Variants in LOXL3 observed in about 807,000 individuals in gnomAD.
LOXL3 encodes lysyl oxidase homolog 3.
A neutral mutation model predicts 91.8 loss-of-function variants in LOXL3; 60 were observed. The observed-to-expected ratio is 0.65, with a 90% CI of 0.53 to 0.81. LOXL3 has a LOEUF of 0.81. Among genes scored for constraint, LOXL3 ranks in the 30% least tolerant of loss-of-function variants. The probability of loss-of-function intolerance (pLI) is 0.00; values close to 1 mark genes in which losing one functional copy is unlikely to be tolerated. For synonymous variants in LOXL3, 355 were observed against 387.6 expected (o/e 0.92, Z 0.99); for missense variants, 874 against 1,000.4 (o/e 0.87, Z 1.70).
intron 4 of LOXL3, among the ~76,000 whole-genome samples, chr2:74,541,389 C>G (rs1676315629): frequency 6.6e-6 from 1 of 152,060 alleles, no homozygotes; most frequent in South Asian, 2.1e-4. Flanking sequence ...TATTTTAAAC[C>G]AGTCAGAAGC....
chr2:74,546,074 C>G (rs911385065), intron 4 of LOXL3, among the ~76,000 whole-genome samples: 1 of 152,124 alleles, frequency 6.6e-6, no homozygotes, highest in Non-Finnish European at 1.5e-5. Context: ...CTGGAGAGAG[C>G]CTTAACTCCT....
intron 4 of LOXL3, among the ~76,000 whole-genome samples, chr2:74,540,165 G>A (rs753570269): frequency 1.3e-5 from 2 of 152,152 alleles, no homozygotes; most frequent in Admixed American, 1.3e-4. Context: ...AGCTTTCATA[G>A]CTGCTTGGCC....
rs141824904 is a variant in LOXL3, at chr2:74,534,084, C to T, written c.2076+16G>A. ...TCCCCCCACTCACCCATCTGGAAGCCCCAGACTCCAGGTACCTGGAGAATG... is the reference window on the plus strand; with the variant it reads ...TCCCCCCACTCACCCATCTGGAAGCTCCAGACTCCAGGTACCTGGAGAATG... On this transcript the variant is annotated intron_variant, in intron 12 of 13. Transcript: ENST00000264094. 3.8e-4 allele frequency: 621 copies of T among 1,613,616 alleles called. 10 individuals carry two copies. The East Asian group carries it at 0.014, about 36-fold the overall frequency.
Position 74,543,860 on chromosome 2 carries a change from C to T in LOXL3, c.692+5509G>A, listed in dbSNP as rs150834952. 1.4e-4 allele frequency among the ~76,000 whole-genome samples: 19 copies of T among 132,700 alleles called. 1 individual carries two copies. The East Asian group carries it at 4.0e-3, about 28-fold the overall frequency. 87.1% of individuals were successfully genotyped at this position (132,700 alleles called of 152,430 possible). On this transcript the variant is annotated intron_variant, in intron 4 of 13. Transcript: ENST00000264094. ...AGGTTGCAGTGAACCAAGATTGCAC[C>T]AGTACACTCCAGCCTGGGTGACAAA...
rs1356928700 is a variant in LOXL3, at chr2:74,549,161, T to A, written c.692+208A>T. ...CACGAGAGAGCGGGAGCCTCGCTGG[T>A]CCCCATTTCAGGTACTCCCTTGGGG... On this transcript the variant is annotated intron_variant, in intron 4 of 13. Coordinates refer to ENST00000264094, the MANE Select transcript of LOXL3 (RefSeq NM_032603.5). This position sits in a 1 kb window ranked among gnomAD's most constrained non-coding sequence, Gnocchi z 5.3. The A allele has an allele frequency of 9.3e-5, 43 of 464,082 alleles. No individual in the cohort carries two copies. The highest frequency in any genetic ancestry group is 7.2e-6 in the Non-Finnish European group (2 of 276,366). The allele number at this position is 464,082 out of a possible 1,614,324, so 28.7% of individuals were successfully genotyped here. A position where few individuals can be genotyped will look rare whatever the true frequency, so the allele number is the denominator to read the frequency against.
Position 74,534,559 on chromosome 2 carries a change from G to T in LOXL3, c.1795C>A (p.His599Asn). 1 of 1,614,208 alleles carries T rather than the reference G, an allele frequency of 6.2e-7. No homozygotes were observed. Among genetic ancestry groups the T allele is most frequent in the East Asian group, 2.2e-5 (1 of 44,878 alleles). ...RADFRPKAGR[H>N]SWVWHECHGH... ...TGGCACTCGTGCCACACCCAGGAGT[G>T]GCGCCCAGCCTTGGGCCTGAAGTCA... The change falls in exon 10 of 14, where the codon CAC (histidine) becomes AAC (asparagine). Residue 599 changes from histidine to asparagine, a missense_variant. His to Asn is a moderately conservative substitution (Grantham distance 68, BLOSUM62 1). Coordinates refer to ENST00000264094, the MANE Select transcript of LOXL3 (RefSeq NM_032603.5).
rs150665013 is a variant in LOXL3 at position 74,536,424 on chromosome 2, T to C, written c.960A>G (p.Val320=). ...KGGAHPGEGR[V]EVLKASTWGT... ...CCCATGTGCTGGCCTTCAGGACTTC[T>C]ACCCGGCCCTCTCCAGGGTGGGCGC... Residue 320 remains valine, a synonymous_variant, in exon 6 of 14, where the codon GTA becomes GTG. Coordinates refer to ENST00000264094, the MANE Select transcript of LOXL3 (RefSeq NM_032603.5). The surrounding 1 kb of genome is among the most constrained non-coding windows in gnomAD (Gnocchi z 4.5). 1.2e-6 allele frequency: 2 copies of C among 1,614,082 alleles called. No individual in the cohort carries two copies. The highest frequency in any genetic ancestry group is 1.3e-5 in the African/African-American group (1 of 75,046).
chr2:74,534,692 A>G lies in LOXL3; in HGVS notation c.1662T>C (p.Cys554=). The G allele has an allele frequency of 6.2e-7, 1 of 1,614,164 alleles. No individual in the cohort carries two copies. The change falls in exon 10 of 14, where the codon TGT becomes TGC. Residue 554 remains cysteine, a synonymous_variant. Transcript: ENST00000264094. ...TGGCCAGGCAGTTCTCTTCCGCAGC[A>G]CAGTACAACATATGCAGGGGCCGGT... The part of the protein sequence containing the change: ...IEDRPLHMLY[C]AAEENCLASS...
rs1675955178 is a variant in LOXL3 at position 74,535,370 on chromosome 2, G to C, written c.1501C>G (p.Gln501Glu). 6.2e-7 allele frequency: 1 copy of C among 1,614,048 alleles called. No individual in the cohort carries two copies. ...RCTGTELSLD[Q>E]CAHHGTHITC... ...ATGTGGGTGCCATGATGGGCACACT[G>C]ATCCAGGGACAGCTCAGTCCCTGTG... is the stretch of plus-strand genomic sequence containing the variant. Residue 501 changes from glutamine to glutamate, a missense_variant, in exon 9 of 14, where the codon CAG becomes GAG. By Grantham distance (29) the Gln-to-Glu change is conservative. Coordinates refer to ENST00000264094, the MANE Select transcript of LOXL3 (RefSeq NM_032603.5). This position sits in a 1 kb window ranked among gnomAD's most constrained non-coding sequence, Gnocchi z 4.2.
rs757818416 is a variant in LOXL3, at chr2:74,534,281, G to C, written c.1939+35C>G. 13 of 1,614,026 alleles carry C rather than the reference G, an allele frequency of 8.1e-6. No individual in the cohort carries two copies. In the East Asian group the frequency reaches 2.9e-4, roughly 36 times the overall value. On this transcript the variant is annotated intron_variant, in intron 11 of 13. Transcript: ENST00000264094. ...TCAGTGTAAGGAAAGGCTGTGCAAT[G>C]GATACCATGTGGTTCACTTCAGTCC...
At chr2:74,555,650 T>A (rs1416403570), upstream of LOXL3, 70 of 1,613,898 alleles carry the variant, frequency 4.3e-5, no homozygotes, top group Non-Finnish European at 5.9e-5. The surrounding 1 kb of genome is among the most constrained non-coding windows in gnomAD (Gnocchi z 6.1). Context: ...GAACTCCTTG[T>A]ACAGCCCTAC....
rs1324891390 is a variant in LOXL3 at position 74,532,963 on chromosome 2, T to G, written c.*643A>C. On this transcript the variant is annotated 3_prime_UTR_variant, in exon 14 of 14. Transcript: ENST00000264094. ...GGACGAGAAACACTGACCTTATATG[T>G]GACCCCTGAGGTCACAGAATGAATA... 1 of 1,613,826 alleles carries G rather than the reference T, an allele frequency of 6.2e-7. No individual in the cohort carries two copies. The highest frequency in any genetic ancestry group is 1.3e-5 in the African/African-American group (1 of 74,834).
chr2:74,533,720 A>G, intron 13 of LOXL3, 41 bp from the exon 14 acceptor site: 1 of 1,583,110 alleles, frequency 6.3e-7, no homozygotes, highest in Non-Finnish European at 8.7e-7. Context: ...CCCTGCACAG[A>G]GGGAGGGAGA....
chr2:74,555,198 C>T (rs1677345142), upstream of LOXL3: 2 of 1,613,398 alleles, frequency 1.2e-6, no homozygotes, highest in South Asian at 2.2e-5. This position sits in a 1 kb window ranked among gnomAD's most constrained non-coding sequence, Gnocchi z 6.1. Context: ...CCAGTCCCCA[C>T]GGCGTAGCGC....
At position 74,536,195 on chromosome 2, in the gene LOXL3, A is replaced by G. The variant is rs1676010051; in HGVS notation, c.1094-45T>C. On this transcript the variant is annotated intron_variant, in intron 6 of 13. Transcript: ENST00000264094. This position sits in a 1 kb window ranked among gnomAD's most constrained non-coding sequence, Gnocchi z 4.5. The stretch of plus-strand genomic sequence containing the variant: ...ATCAGGAAGTTGTAATTAAGCATAT[A>G]TTGTCTGCCCAGGGGACACCTAACC... 1.9e-6 allele frequency: 3 copies of G among 1,612,054 alleles called. No homozygotes were observed. Among genetic ancestry groups the G allele is most frequent in the Non-Finnish European group, 2.5e-6 (3 of 1,179,924 alleles).
chr2:74,539,494 G>A (rs747497789), intron 4 of LOXL3, among the ~76,000 whole-genome samples: 1 of 152,164 alleles, frequency 6.6e-6, no homozygotes, highest in Non-Finnish European at 1.5e-5. Context: ...AGGTGATGGA[G>A]GGGGCAGGAA....
chr2:74,540,207 A>G (rs184707093), intron 4 of LOXL3, among the ~76,000 whole-genome samples: 2 of 152,286 alleles, frequency 1.3e-5, no homozygotes, highest in East Asian at 1.9e-4. Flanking sequence ...GGTGAGCAGA[A>G]GTGAAGGCCG....
At position 74,533,661 on chromosome 2, in the gene LOXL3, T is replaced by TC; in HGVS notation, c.2206dup (p.Glu736GlyfsTer7). 6.2e-7 allele frequency: 1 copy of TC among 1,614,036 alleles called. No homozygotes were observed. Among genetic ancestry groups the TC allele is most frequent in the East Asian group, 2.2e-5 (1 of 44,868 alleles). ...GTAGCGTTCAAACCTCCTGTTGGCC[T>TC]CTTCACTGAAGGCATCACCTGCAGA... On this transcript the variant is annotated frameshift_variant, in exon 14 of 14. Coordinates refer to ENST00000264094, the MANE Select transcript of LOXL3 (RefSeq NM_032603.5). LOFTEE classifies it high-confidence loss of function.
In LOXL3 at chr2:74,537,608, G is replaced by A. The variant is rs1485039373; in HGVS notation, c.693-680C>T. Among the ~76,000 whole-genome samples, 4 of 152,202 alleles carry A rather than the reference G, an allele frequency of 2.6e-5. No individual in the cohort carries two copies. In the East Asian group the frequency reaches 7.7e-4, roughly 29 times the overall value. On this transcript the variant is annotated intron_variant, in intron 4 of 13. Transcript: ENST00000264094. ...ATGACCAGAGAAAGGAGATGGATGT[G>A]AACAACAAAATGGCAAAGACATCCC...
Sources: allele counts gnomAD v4.1 joint callset (sites outside exome capture counted in the v4.1 genomes callset), GRCh38; gene constraint gnomAD v4.1.1; non-coding constraint Gnocchi (gnomAD v3.1); transcripts MANE v1.5; gene names NCBI Gene and HGNC (gene_info 2026-07-23, HGNC 2026-07-21).